The following RFPL3 variants were observed in gnomAD, a reference collection of about 807,000 sequenced individuals.
The protein encoded by RFPL3 is ret finger protein like 3.
A neutral mutation model predicts 8.7 loss-of-function variants in RFPL3; 8 were observed. The observed-to-expected ratio is 0.92, with a 90% CI of 0.54 to 1.66. RFPL3 has a LOEUF of 1.66. Ranked by LOEUF, RFPL3 falls within the 40% of genes most tolerant of loss-of-function variation. The pLI, the probability that RFPL3 is intolerant of heterozygous loss-of-function variation, is 0.00. For synonymous variants in RFPL3, 145 were observed against 150.5 expected (o/e 0.96, Z 0.27); for missense variants, 341 against 395.0 (o/e 0.86, Z 1.16).
chr22:32,357,795 A>G, upstream of RFPL3: 3 of 1,188,142 alleles, frequency 2.5e-6, no homozygotes, highest in Non-Finnish European at 3.3e-6. Context: ...ATGTTCATCA[A>G]TCAGTCTCTT....
chr22:32,359,361 A>G (rs1205782439), intron 1 of RFPL3, among the ~76,000 whole-genome samples: 1 of 152,226 alleles, frequency 6.6e-6, no homozygotes, highest in East Asian at 1.9e-4. Context: ...TGTGATCTAT[A>G]AAATCTATAT....
chr22:32,355,243 CCAAT>C (rs71675831), upstream of RFPL3, among the ~76,000 whole-genome samples: 19,748 of 152,030 alleles, frequency 0.13, 1,714 homozygotes, highest in Non-Finnish European at 0.2. Flanking sequence ...CAAATAAAGC[CCAAT>C]CAGAGTAGAT....
At chr22:32,355,098 G>A (rs1271504062), upstream of RFPL3, among the ~76,000 whole-genome samples, 1 of 146,258 alleles carries the variant, frequency 6.8e-6, no homozygotes, top group African/African-American at 2.5e-5. Context: ...TTATATATGA[G>A]AATTTATGCA....
At chr22:32,355,064 A>G (rs541446768), upstream of RFPL3, among the ~76,000 whole-genome samples, 6 of 147,770 alleles carry the variant, frequency 4.1e-5, no homozygotes, top group East Asian at 1.6e-3. Context: ...TTGGAATGAC[A>G]AAACTCCCCC....
upstream of RFPL3, among the ~76,000 whole-genome samples, chr22:32,355,797 A>G (rs67688485): frequency 6.5e-4 from 96 of 147,786 alleles, no homozygotes; most frequent in Middle Eastern, 3.4e-3. Context: ...AAAAAAAAAA[A>G]AAAGAAAGAA....
At chr22:32,357,423 G>A (rs1932703430), upstream of RFPL3, among the ~76,000 whole-genome samples, 4 of 151,530 alleles carry the variant, frequency 2.6e-5, no homozygotes, top group South Asian at 8.3e-4. Flanking sequence ...TCCTGCCTTG[G>A]CCTCGCAAAG....
chr22:32,358,078 A>G lies in RFPL3; in HGVS notation c.7A>G (p.Arg3Gly). The change falls in exon 1 of 2, where the codon AGG becomes GGG. Residue 3 changes from arginine to glycine, a missense_variant. Transcript: ENST00000249007. ...GAACACAATACCTCTATGCATGAAA[A>G]GGTTGTCACTTGTCACAACTAACAG... MK[R>G]LSLVTTNRLS... 1 of 1,612,590 alleles carries G rather than the reference A, an allele frequency of 6.2e-7. No homozygotes were observed. The highest frequency in any genetic ancestry group is 1.1e-5 in the South Asian group (1 of 90,888).
At chr22:32,357,472 C>CCCTTTT (rs543220133), upstream of RFPL3, among the ~76,000 whole-genome samples, 1 of 145,126 alleles carries the variant, frequency 6.9e-6, no homozygotes, top group African/African-American at 2.5e-5. Context: ...ATCCAGCCCC[C>CCCTTTT]TTTTTTTTTT....
At position 32,360,424 on chromosome 22, in the gene RFPL3, G is replaced by T; in HGVS notation, c.546G>T (p.Trp182Cys). ...GCTTTACCTGTGGCCGCCACTACTGGGAGGTGGACGTGGGAACAAGCACAG... is the reference window on the plus strand; with the variant it reads ...GCTTTACCTGTGGCCGCCACTACTGTGAGGTGGACGTGGGAACAAGCACAG... ...SPRFTCGRHY[W>C]EVDVGTSTEW... is the part of the protein sequence containing the mutation. Residue 182 changes from tryptophan to cysteine, a missense_variant, in exon 2 of 2, where the codon TGG (tryptophan) becomes TGT (cysteine). Trp to Cys is a radical substitution (Grantham distance 215). Coordinates refer to ENST00000249007, the MANE Select transcript of RFPL3 (RefSeq NM_001098535.1). The T allele has an allele frequency of 6.2e-7, 1 of 1,613,958 alleles. No homozygotes were observed. The highest frequency in any genetic ancestry group is 1.1e-5 in the South Asian group (1 of 91,072).
chr22:32,358,915 A>G (rs780852656), intron 1 of RFPL3, among the ~76,000 whole-genome samples: 10 of 152,188 alleles, frequency 6.6e-5, no homozygotes, highest in Non-Finnish European at 1.0e-4. Context: ...CCCAGGGTTG[A>G]GAAGAGTTGG....
chr22:32,356,720 G>T (rs5994553), upstream of RFPL3: 22,365 of 370,880 alleles, frequency 0.06, 891 homozygotes, highest in Admixed American at 0.11. Context: ...GTGCTCTCTT[G>T]TGTGTGACCT....
rs760026070 is a variant in RFPL3 at position 32,358,058 on chromosome 22, C to T, written c.-14C>T. 1 of 1,607,112 alleles carries T rather than the reference C, an allele frequency of 6.2e-7. No homozygotes were observed. The highest frequency in any genetic ancestry group is 8.5e-7 in the Non-Finnish European group (1 of 1,176,272). On this transcript the variant is annotated 5_prime_UTR_variant, in exon 1 of 2. Coordinates refer to ENST00000249007, the MANE Select transcript of RFPL3 (RefSeq NM_001098535.1). ...TTCTCGGAGTGACAAAGCTGGAACA[C>T]AATACCTCTATGCATGAAAAGGTTG...
chr22:32,357,491 G>C (rs1272912106), upstream of RFPL3, among the ~76,000 whole-genome samples: 1 of 136,830 alleles, frequency 7.3e-6, no homozygotes, highest in East Asian at 2.9e-4. Flanking sequence ...TTTTGAGATG[G>C]TGTCTCACTC....
chr22:32,355,147 A>C (rs1425526258), upstream of RFPL3, among the ~76,000 whole-genome samples: 2 of 151,894 alleles, frequency 1.3e-5, no homozygotes, highest in Non-Finnish European at 2.9e-5. Flanking sequence ...TTGGATGAGG[A>C]AAACCTCTAG....
In RFPL3 at chr22:32,358,323, C is replaced by T; in HGVS notation, c.252C>T (p.Val84=). The T allele has an allele frequency of 6.2e-7, 1 of 1,614,098 alleles. No individual in the cohort carries two copies. ...EDLLCCCCSM[V]SQRNKIRPNR... ...TGCTTTGCTGTTGCTGTTCCATGGTCTCTCAGAGGAACAAAATCAGGCCCA... is the reference window on the plus strand; with the variant it reads ...TGCTTTGCTGTTGCTGTTCCATGGTTTCTCAGAGGAACAAAATCAGGCCCA... The change falls in exon 1 of 2, where the codon GTC becomes GTT. Residue 84 remains valine (V), a synonymous_variant. Transcript: ENST00000249007.
Position 32,360,314 on chromosome 22 carries a change from A to G in RFPL3, c.436A>G (p.Ser146Gly). The G allele has an allele frequency of 6.2e-7, 1 of 1,613,914 alleles. No homozygotes were observed. Among genetic ancestry groups the G allele is most frequent in the Non-Finnish European group, 8.5e-7 (1 of 1,179,864 alleles). The change falls in exon 2 of 2, where the codon AGC becomes GGC. Residue 146 changes from serine to glycine, a missense_variant. By Grantham distance (56) the Ser-to-Gly change is moderately conservative. Transcript: ENST00000249007. ...NFLLISDDLR[S>G]VRSGLITQNR... The stretch of plus-strand genomic sequence containing the variant: ...CCTCCTCATTTCTGACGACCTCAGG[A>G]GCGTCCGAAGTGGGCTCATCACACA...
rs138674931 is a variant in RFPL3 at position 32,358,351 on chromosome 22, C to G, written c.280C>G (p.Arg94Gly). 2 of 1,614,002 alleles carry G rather than the reference C, an allele frequency of 1.2e-6. No homozygotes were observed. Among genetic ancestry groups the G allele is most frequent in the Admixed American group, 1.7e-5 (1 of 59,986 alleles). Reference protein sequence around the residue: ...VSQRNKIRPNRQLERLVSHIK... With the variant: ...VSQRNKIRPNGQLERLVSHIK... ...TCAGAGGAACAAAATCAGGCCCAATCGGCAGCTAGAGAGGCTGGTTTCCCA... is the reference window on the plus strand; with the variant it reads ...TCAGAGGAACAAAATCAGGCCCAATGGGCAGCTAGAGAGGCTGGTTTCCCA... Residue 94 changes from arginine (R) to glycine (G), a missense_variant, in exon 1 of 2, where the codon CGG (arginine) becomes GGG (glycine). Arg to Gly is a moderately radical substitution (Grantham distance 125, BLOSUM62 -2). Transcript: ENST00000249007.
rs1569431724 is a variant in RFPL3, at chr22:32,360,502, G to T, written c.624G>T (p.Gln208His). The stretch of plus-strand genomic sequence containing the variant: ...CTGTTCACTGCAAAGGGAAGATCCA[G>T]CTGACCACAGAGCTTGGATTCTGGA... ...RESVHCKGKIQLTTELGFWTV... is the reference protein window; with the variant it reads ...RESVHCKGKIHLTTELGFWTV... The change falls in exon 2 of 2, where the codon CAG becomes CAT. Residue 208 changes from glutamine (Q) to histidine (H), a missense_variant. Transcript: ENST00000249007. 5 of 1,613,846 alleles carry T rather than the reference G, an allele frequency of 3.1e-6. No homozygotes were observed. Among genetic ancestry groups the T allele is most frequent in the Non-Finnish European group, 4.2e-6 (5 of 1,179,870 alleles).
chr22:32,358,001 G>A lies in RFPL3; in HGVS notation c.-71G>A, dbSNP rs1932723878. 1.5e-5 allele frequency: 24 copies of A among 1,566,322 alleles called. No individual in the cohort carries two copies. The highest frequency in any genetic ancestry group is 2.0e-5 in the Non-Finnish European group (23 of 1,156,474). ...AATCTCTGAGGACGGGGGGTGGGGG[G>A]ATGTGCTTGAGTGTTTGTACTCATG... On this transcript the variant is annotated 5_prime_UTR_variant, in exon 1 of 2. Transcript: ENST00000249007.
Sources: allele counts gnomAD v4.1 joint callset (sites outside exome capture counted in the v4.1 genomes callset), GRCh38; gene constraint gnomAD v4.1.1; transcripts MANE v1.5; gene names NCBI Gene and HGNC (gene_info 2026-07-23, HGNC 2026-07-21).